Variants in ACADSB observed in about 807,000 individuals in gnomAD.
ACADSB encodes the protein short/branched chain specific acyl-CoA dehydrogenase, mitochondrial.
Under a neutral mutation model 54.1 loss-of-function variants are expected in ACADSB, and 40 were observed. The ratio of observed to expected loss-of-function variants is 0.74; its 90% confidence interval spans 0.57 to 0.96. The LOEUF is 0.96. Ranked by LOEUF, ACADSB falls within the 40% of genes least tolerant of loss-of-function variation. The pLI, the probability that ACADSB is intolerant of heterozygous loss-of-function variation, is 0.00. For missense variants in ACADSB, 530 were observed against 510.4 expected, an observed-to-expected ratio of 1.04 and a Z score of -0.37; for synonymous variants, 182 against 182.8, an observed-to-expected ratio of 1.00 and a Z score of 0.03.
rs1736647371 is a variant in ACADSB at position 123,051,109 on chromosome 10, T to C, written c.1051T>C (p.Tyr351His). 1.3e-6 allele frequency: 2 copies of C among 1,565,376 alleles called. No individual in the cohort carries two copies. Among genetic ancestry groups the C allele is most frequent in the African/African-American group, 1.5e-5 (1 of 67,172 alleles). ...GCTGGAAGCTGCAAGATTACTAACA[T>C]ACAATGCTGCTAGGCTTTTAGAAGC... ...TQLEAARLLTYNAARLLEAGK... is the reference protein window; with the variant it reads ...TQLEAARLLTHNAARLLEAGK... Residue 351 changes from tyrosine (Y) to histidine (H), a missense_variant, in exon 9 of 11, where the codon TAC becomes CAC. Physicochemically the swap from Tyr to His is moderately conservative, Grantham distance 83. Coordinates refer to ENST00000358776, the MANE Select transcript of ACADSB (RefSeq NM_001609.4).
intron 1 of ACADSB, among the ~76,000 whole-genome samples, chr10:123,015,536 A>G (rs991832187): frequency 1.3e-5 from 2 of 152,208 alleles, no homozygotes; most frequent in Admixed American, 6.5e-5. Context: ...GTCTCCATCC[A>G]TGGCCAAATG....
Position 123,058,268 on chromosome 10 carries a change from A to G in ACADSB, c.*4503A>G, listed in dbSNP as rs1401957482. ...CCAATATTCTATGGAGAATGAAAAA[A>G]ATAAAGGACTAAATTAACTGGAGAT... is the stretch of plus-strand genomic sequence containing the variant. On this transcript the variant is annotated 3_prime_UTR_variant, in exon 11 of 11. Coordinates refer to ENST00000358776, the MANE Select transcript of ACADSB (RefSeq NM_001609.4). 6.6e-6 allele frequency: 1 copy of G among 152,256 alleles called. No homozygotes were observed. The highest frequency in any genetic ancestry group is 1.5e-5 in the Non-Finnish European group (1 of 68,044). The allele number at this position is 152,256 out of a possible 1,614,324, so 9.4% of individuals were successfully genotyped here. A position where few individuals can be genotyped will look rare whatever the true frequency, so the allele number is the denominator to read the frequency against.
chr10:123,053,692 A>C lies in ACADSB; in HGVS notation c.1229-3A>C, dbSNP rs766663421. 6.2e-7 allele frequency: 1 copy of C among 1,612,976 alleles called. No homozygotes were observed. Among genetic ancestry groups the C allele is most frequent in the Non-Finnish European group, 8.5e-7 (1 of 1,178,974 alleles). On this transcript the variant is annotated splice_region_variant and splice_polypyrimidine_tract_variant and intron_variant, in intron 10 of 10. Transcript: ENST00000358776. ...TTGTTCCTTCTGCTTCCTTTTGCTTAAGGTACGATATATGAAGGAGCTTCC... is the reference window on the plus strand; with the variant it reads ...TTGTTCCTTCTGCTTCCTTTTGCTTCAGGTACGATATATGAAGGAGCTTCC...
intron 1 of ACADSB, among the ~76,000 whole-genome samples, chr10:123,019,588 C>A (rs1850156084): frequency 6.6e-6 from 1 of 152,198 alleles, no homozygotes; most frequent in South Asian, 2.1e-4. Flanking sequence ...AATATGAGAA[C>A]CCTTTTTTCA....
intron 2 of ACADSB, among the ~76,000 whole-genome samples, chr10:123,036,499 A>C (rs965865053): frequency 1.3e-5 from 2 of 152,146 alleles, no homozygotes; most frequent in African/African-American, 4.8e-5. Flanking sequence ...AAATCAAAGA[A>C]TTTGCTTAGA....
rs1342560545 is a variant in ACADSB at position 123,054,939 on chromosome 10, C to G, written c.*1174C>G. The G allele has an allele frequency of 6.6e-6, 1 of 152,048 alleles. No individual in the cohort carries two copies. Among genetic ancestry groups the G allele is most frequent in the Admixed American group, 6.5e-5 (1 of 15,274 alleles). The allele number at this position is 152,048 out of a possible 1,614,324, so 9.4% of individuals were successfully genotyped here. On this transcript the variant is annotated 3_prime_UTR_variant, in exon 11 of 11. Transcript: ENST00000358776. Reference sequence around the variant, plus strand: ...GAAATTGGGTTTTGGTTCAGTGATTCTCAAGAAAAAGATCTCTTGCCCATT... The same window carrying G: ...GAAATTGGGTTTTGGTTCAGTGATTGTCAAGAAAAAGATCTCTTGCCCATT...
At chr10:123,009,991 A>T (rs1849994674) in intron 1 of ACADSB, among the ~76,000 whole-genome samples, 1 of 152,256 alleles carries the variant, frequency 6.6e-6, no homozygotes, top group East Asian at 1.9e-4. Context: ...GCCCAGAGGC[A>T]GAACTCTGAC....
At position 123,050,988 on chromosome 10, in the gene ACADSB, G is replaced by A. The variant is rs546637502; in HGVS notation, c.991-61G>A. ...GTGTTGTGTATCTAGGCAGGACTTT[G>A]AGGTTGAGGTGCTTGCTTTTTTGAA... On this transcript the variant is annotated intron_variant, in intron 8 of 10. Coordinates refer to ENST00000358776, the MANE Select transcript of ACADSB (RefSeq NM_001609.4). The A allele has an allele frequency of 4.4e-6, 7 of 1,579,050 alleles. No homozygotes were observed. The East Asian group carries it at 1.4e-4, about 31-fold the overall frequency.
intron 1 of ACADSB, among the ~76,000 whole-genome samples, chr10:123,016,129 A>G (rs1170330802): frequency 6.6e-6 from 1 of 152,246 alleles, no homozygotes; most frequent in Non-Finnish European, 1.5e-5. Context: ...AAAACTTACA[A>G]CTGAAAGTGT....
chr10:123,011,283 G>A (rs1014328111), intron 1 of ACADSB, among the ~76,000 whole-genome samples: 1 of 152,156 alleles, frequency 6.6e-6, no homozygotes, highest in Non-Finnish European at 1.5e-5. Context: ...CTCTGAAGTA[G>A]GTATATTAGT....
intron 3 of ACADSB, among the ~76,000 whole-genome samples, chr10:123,040,183 T>TAAAA (rs11363649): frequency 7.2e-6 from 1 of 138,880 alleles, no homozygotes; most frequent in Admixed American, 7.2e-5. Context: ...CCATCTCTAC[T>TAAAA]AAAAAAAAAA....
At chr10:123,017,225 G>C (rs1850119334) in intron 1 of ACADSB, among the ~76,000 whole-genome samples, 3 of 152,134 alleles carry the variant, frequency 2.0e-5, no homozygotes, top group African/African-American at 7.2e-5. Flanking sequence ...TGAGTGTCTT[G>C]TTTCATTTTT....
intron 3 of ACADSB, among the ~76,000 whole-genome samples, chr10:123,040,166 C>T (rs985810908): frequency 1.6e-4 from 23 of 142,240 alleles, no homozygotes; most frequent in African/African-American, 4.6e-4. Context: ...GCCAACATGG[C>T]GAAACCCCAT....
chr10:123,044,092 T>C (rs1353764205), intron 6 of ACADSB, among the ~76,000 whole-genome samples: 1 of 142,218 alleles, frequency 7.0e-6, no homozygotes, highest in Non-Finnish European at 1.6e-5. Flanking sequence ...CAGATAAGAA[T>C]TGGGGGGGAA....
In ACADSB at chr10:123,043,479, G is replaced by A. The variant is rs76850098; in HGVS notation, c.807+308G>A. ...TAAGCTTGAGACTTGTGAACCAAAT[G>A]GGGCCGCAGAGAAGGAAGTCTGGTG... On this transcript the variant is annotated intron_variant, in intron 6 of 10. Transcript: ENST00000358776. Among the ~76,000 whole-genome samples, 14,390 of 152,270 alleles carry A rather than the reference G, an allele frequency of 0.095. 764 individuals carry two copies. The highest frequency in any genetic ancestry group is 0.11 in the Non-Finnish European group (7,761 of 68,010).
Position 123,047,282 on chromosome 10 carries a change from G to C in ACADSB, c.974G>C (p.Arg325Thr). 1.3e-6 allele frequency: 2 copies of C among 1,590,896 alleles called. No individual in the cohort carries two copies. Among genetic ancestry groups the C allele is most frequent in the Non-Finnish European group, 1.7e-6 (2 of 1,158,800 alleles). ...AAAGAAAGGATACAATTTGGCAAAA[G>C]ACTATTTGATTTTCAGGTATGTAAT... is the stretch of plus-strand genomic sequence containing the variant. ...YIKERIQFGK[R>T]LFDFQGLQHQ... The change falls in exon 8 of 11, where the codon AGA becomes ACA. Residue 325 changes from arginine (R) to threonine (T), a missense_variant. Coordinates refer to ENST00000358776, the MANE Select transcript of ACADSB (RefSeq NM_001609.4).
At chr10:123,043,654 C>T (rs557099281) in intron 6 of ACADSB, among the ~76,000 whole-genome samples, 1 of 152,240 alleles carries the variant, frequency 6.6e-6, no homozygotes, top group Non-Finnish European at 1.5e-5. Flanking sequence ...GGCTTTTCCA[C>T]CACTCATCAC....
intron 1 of ACADSB, among the ~76,000 whole-genome samples, chr10:123,033,066 G>C (rs184618953): frequency 6.6e-6 from 1 of 152,174 alleles, no homozygotes; most frequent in African/African-American, 2.4e-5. Context: ...TCTCATCAAG[G>C]AGAAAATACC....
chr10:123,037,885 A>G, intron 3 of ACADSB, 38 bp downstream of exon 3: 1 of 1,411,294 alleles, frequency 7.1e-7, no homozygotes, highest in Non-Finnish European at 1.0e-6. Context: ...AGCTTCTATA[A>G]TTAAATTCAG....
Sources: gnomAD v4.1 joint callset for allele counts (sites outside exome capture counted in the v4.1 genomes callset) on GRCh38, gnomAD v4.1.1 for gene constraint, MANE v1.5 for transcripts, NCBI Gene and HGNC (gene_info 2026-07-23, HGNC 2026-07-21) for gene names.